STK31: variants seen among roughly 807,000 people sequenced by gnomAD.
STK31 encodes serine/threonine kinase 31.
STK31 carries 89 observed loss-of-function variants against 129.7 expected under a neutral mutation model. The observed-to-expected ratio is 0.69, with a 90% CI of 0.58 to 0.82. STK31 has a LOEUF of 0.82. Ranked by LOEUF, STK31 falls within the 40% of genes least tolerant of loss-of-function variation. The pLI is 0.00. For missense variants in STK31, 1,187 were observed against 1,176.4 expected (o/e 1.01, Z -0.13); for synonymous variants, 448 against 395.3 (o/e 1.13, Z -1.58).
chr7:23,818,943 A>G (rs947634713), intron 23 of STK31, among the ~76,000 whole-genome samples: 2 of 152,298 alleles, frequency 1.3e-5, no homozygotes, highest in East Asian at 3.9e-4. Context: ...TTTTAAAATC[A>G]GCTTTCATGG....
intron 6 of STK31, among the ~76,000 whole-genome samples, chr7:23,734,367 AC>A (rs1361101547): frequency 6.6e-6 from 1 of 152,356 alleles, no homozygotes; most frequent in African/African-American, 2.4e-5. Context: ...GAAAAAGAAT[AC>A]TTACTTTTAA....
chr7:23,736,935 G>C lies in STK31; in HGVS notation c.874G>C (p.Gly292Arg), dbSNP rs200461259. 1.2e-4 allele frequency: 190 copies of C among 1,606,188 alleles called. 1 individual carries two copies. The highest frequency in any genetic ancestry group is 5.0e-4 in the Middle Eastern group (3 of 6,030). The change falls in exon 8 of 24, where the codon GGG (glycine) becomes CGG (arginine). Residue 292 changes from glycine (G) to arginine (R), a missense_variant. Gly to Arg is a moderately radical substitution (Grantham distance 125). This residue lies in a region of STK31 where 975 missense variants were observed against 934.9 expected (regional missense o/e 1.04). Coordinates refer to ENST00000355870, the MANE Select transcript of STK31 (RefSeq NM_031414.5). The part of the protein sequence containing the change: ...ESLAVGDFNL[G>R]SNVSLEKIKQ... Reference sequence around the variant, plus strand: ...TTTGGCTGTTGGTGACTTTAATTTAGGGTCTAACGTCAGCCTGGAAAAAAT... The same window carrying C: ...TTTGGCTGTTGGTGACTTTAATTTACGGTCTAACGTCAGCCTGGAAAAAAT...
chr7:23,771,151 C>T, intron 14 of STK31, 27 bp downstream of exon 14: 1 of 1,507,068 alleles, frequency 6.6e-7, no homozygotes, highest in Non-Finnish European at 8.8e-7. Flanking sequence ...TCTTATTGAT[C>T]TTATAAATTG....
At chr7:23,773,734 AGT>A (rs58341131) in intron 15 of STK31, among the ~76,000 whole-genome samples, 10,976 of 130,014 alleles carry the variant, frequency 0.084, 480 homozygotes, top group Admixed American at 0.14. Context: ...TGTGTGTGTG[AGT>A]GTGTGTGTGT....
chr7:23,767,627 G>T (rs1789912027), intron 11 of STK31, among the ~76,000 whole-genome samples: 1 of 152,156 alleles, frequency 6.6e-6, no homozygotes, highest in Non-Finnish European at 1.5e-5. Context: ...ATGGTCAGGG[G>T]CTGGCCAGCT....
At chr7:23,790,774 G>A (rs1266570908) in intron 21 of STK31, 50 bp from the exon 22 acceptor site, 3 of 1,466,348 alleles carry the variant, frequency 2.0e-6, no homozygotes, top group Non-Finnish European at 2.7e-6. Context: ...TTCACAGAAA[G>A]TCACCTCAAC....
intron 8 of STK31, among the ~76,000 whole-genome samples, chr7:23,739,385 A>G (rs1341878200): frequency 6.6e-6 from 1 of 152,164 alleles, no homozygotes; most frequent in Non-Finnish European, 1.5e-5. Context: ...CCTTTGTCAG[A>G]TGGACAGATT....
chr7:23,802,382 T>A (rs536754140), intron 22 of STK31, among the ~76,000 whole-genome samples: 2 of 152,354 alleles, frequency 1.3e-5, no homozygotes, highest in African/African-American at 4.8e-5. Context: ...GGGGTTTGTT[T>A]ATCCAGCAAG....
At chr7:23,731,985 G>A (rs964362452) in intron 6 of STK31, among the ~76,000 whole-genome samples, 1 of 152,156 alleles carries the variant, frequency 6.6e-6, no homozygotes, top group African/African-American at 2.4e-5. Flanking sequence ...AAAGCCTTAT[G>A]TTCTAAACCA....
chr7:23,735,406 A>C, intron 6 of STK31, 132 bp from the exon 7 acceptor site: 1 of 761,974 alleles, frequency 1.3e-6, no homozygotes, highest in Non-Finnish European at 2.1e-6. Flanking sequence ...ATATTTGCAT[A>C]TTATAGCCAA....
At chr7:23,780,500 T>C (rs896672310) in intron 15 of STK31, among the ~76,000 whole-genome samples, 2 of 152,190 alleles carry the variant, frequency 1.3e-5, no homozygotes, top group Non-Finnish European at 2.9e-5. Context: ...TTTAAAAAGA[T>C]GTGAGTAGAT....
intron 3 of STK31, among the ~76,000 whole-genome samples, chr7:23,713,111 G>A (rs1026643210): frequency 1.3e-5 from 2 of 152,146 alleles, no homozygotes; most frequent in African/African-American, 4.8e-5. Context: ...TTAGGCAACT[G>A]CGTCGCTGTA....
intron 8 of STK31, among the ~76,000 whole-genome samples, chr7:23,737,860 AGTGT>A (rs67303802): frequency 0.27 from 40,312 of 149,010 alleles, 5,575 homozygotes; most frequent in East Asian, 0.41. Context: ...GTGGTTGATA[AGTGT>A]GTGTGTGTGT....
chr7:23,818,540 C>T (rs979446971), intron 23 of STK31, among the ~76,000 whole-genome samples: 1 of 151,990 alleles, frequency 6.6e-6, no homozygotes, highest in Admixed American at 6.6e-5. Context: ...GTGCCTCACT[C>T]ATTTAACTAA....
Position 23,790,907 on chromosome 7 carries a change from A to G in STK31, c.2721A>G (p.Pro907=), listed in dbSNP as rs367739777. 4.5e-5 allele frequency: 73 copies of G among 1,607,420 alleles called. No individual in the cohort carries two copies. The highest frequency in any genetic ancestry group is 3.3e-4 in the Middle Eastern group (2 of 6,034). ...TGAAAATGGGAAAACCTGCTTCTCC[A>G]GGTTCAGACTTATATGCTTATGGCT... ...PELKMGKPAS[P]GSDLYAYGCL... The change falls in exon 22 of 24, where the codon CCA becomes CCG. Residue 907 remains proline (P), a synonymous_variant. Coordinates refer to ENST00000355870, the MANE Select transcript of STK31 (RefSeq NM_031414.5).
intron 22 of STK31, among the ~76,000 whole-genome samples, chr7:23,811,953 G>A (rs1257054568): frequency 2.6e-5 from 4 of 152,076 alleles, no homozygotes; most frequent in Admixed American, 1.3e-4. Context: ...TGTAATTTTG[G>A]TTTGGATCAT....
At chr7:23,726,428 A>G (rs1387930106) in intron 4 of STK31, 2 of 56,662 alleles carry the variant, frequency 3.5e-5, no homozygotes, top group East Asian at 5.5e-4. Flanking sequence ...CCTTGCCTCT[A>G]CAAAAAAAAA....
chr7:23,816,309 G>T (rs528324714), intron 23 of STK31, among the ~76,000 whole-genome samples: 2 of 152,248 alleles, frequency 1.3e-5, no homozygotes, highest in African/African-American at 4.8e-5. Flanking sequence ...TGTATTAGAG[G>T]TTACAACTTC....
At chr7:23,719,962 A>G (rs1194164897) in intron 4 of STK31, among the ~76,000 whole-genome samples, 2 of 152,168 alleles carry the variant, frequency 1.3e-5, no homozygotes, top group South Asian at 2.1e-4. Flanking sequence ...TAAGAAATAT[A>G]TAATCCATGT....
Sources: gnomAD v4.1 joint callset for allele counts (sites outside exome capture counted in the v4.1 genomes callset) on GRCh38, gnomAD v4.1.1 for gene constraint, gnomAD v4.1.1 regional missense constraint, MANE v1.5 for transcripts, NCBI Gene and HGNC (gene_info 2026-07-23, HGNC 2026-07-21) for gene names.